Variants in PLSCR2 observed in about 807,000 individuals in gnomAD.
The protein encoded by PLSCR2 is phospholipid scramblase 2, also known as PL scramblase 2.
A neutral mutation model predicts 25.3 loss-of-function variants in PLSCR2; 18 were observed. The observed-to-expected ratio is 0.71, with a 90% CI of 0.49 to 1.06. The LOEUF (loss-of-function observed/expected upper bound fraction) is 1.06, where lower values mean the gene tolerates loss of function less well. PLSCR2 is among the 50% of genes least tolerant of loss of function. The pLI, the probability that PLSCR2 is intolerant of heterozygous loss-of-function variation, is 0.00. For missense variants in PLSCR2, 243 were observed against 269.5 expected (o/e 0.90, Z 0.69); for synonymous variants, 88 against 87.3 (o/e 1.01, Z -0.04).
chr3:146,470,876 C>T (rs371315850), intron 1 of PLSCR2, among the ~76,000 whole-genome samples: 2 of 152,176 alleles, frequency 1.3e-5, no homozygotes, highest in African/African-American at 2.4e-5. Flanking sequence ...GTTTTCTAAT[C>T]GGTAAAATGA....
chr3:146,433,108 G>C (rs1025921456), downstream of PLSCR2, among the ~76,000 whole-genome samples: 1 of 151,910 alleles, frequency 6.6e-6, no homozygotes, highest in African/African-American at 2.4e-5. Context: ...AATTTATTGT[G>C]TTAGCTATCT....
intron 2 of PLSCR2, among the ~76,000 whole-genome samples, chr3:146,411,944 G>A (rs1035197961): frequency 6.6e-6 from 1 of 151,976 alleles, no homozygotes; most frequent in Non-Finnish European, 1.5e-5. Context: ...TTGCCACAGT[G>A]TCTTATCAGT....
rs72986609 is a variant in PLSCR2, at chr3:146,421,353, A to G, written c.101-25432T>C. 6.9e-3 allele frequency among the ~76,000 whole-genome samples: 1,051 copies of G among 152,114 alleles called. 10 individuals carry two copies. The highest frequency in any genetic ancestry group is 0.024 in the African/African-American group (1,014 of 41,528). On this transcript the variant is annotated intron_variant and NMD_transcript_variant, in intron 2 of 3. Transcript: ENST00000463633. ...ACAAAAGAGAGCAGAATTTTATCTC[A>G]TATTAGATCAGCAGCAATGAAGCAT...
chr3:146,392,947 T>C (rs1347479905), intron 3 of PLSCR2, among the ~76,000 whole-genome samples: 2 of 151,436 alleles, frequency 1.3e-5, no homozygotes, highest in African/African-American at 4.8e-5. Context: ...TTTTGAGATG[T>C]AATATTTTAT....
chr3:146,437,083 A>C (rs1307924104), downstream of PLSCR2, among the ~76,000 whole-genome samples: 1 of 151,320 alleles, frequency 6.6e-6, no homozygotes, highest in African/African-American at 2.4e-5. Flanking sequence ...ACGTTTATTG[A>C]TTTGTGTTAT....
intron 2 of PLSCR2, among the ~76,000 whole-genome samples, chr3:146,408,600 T>C (rs1164530811): frequency 6.6e-6 from 1 of 152,118 alleles, no homozygotes; most frequent in Non-Finnish European, 1.5e-5. Context: ...AGCAAATCCT[T>C]CTAGTTTTTG....
intron 2 of PLSCR2, among the ~76,000 whole-genome samples, chr3:146,400,425 A>G (rs549658398): frequency 2.6e-5 from 4 of 151,478 alleles, no homozygotes; most frequent in Non-Finnish European, 4.4e-5. Flanking sequence ...TTTATTTGTA[A>G]TATAATATTT....
chr3:146,469,528 C>T, intron 1 of PLSCR2: 2 of 985,404 alleles, frequency 2.0e-6, no homozygotes, highest in Non-Finnish European at 2.4e-6. Context: ...CAGCCCTGAG[C>T]GAGCCGAGGT....
At chr3:146,416,125 T>A (rs2038999528) in intron 2 of PLSCR2, among the ~76,000 whole-genome samples, 1 of 151,958 alleles carries the variant, frequency 6.6e-6, no homozygotes, top group Admixed American at 6.6e-5. Flanking sequence ...TAATTTTTTG[T>A]ATTTTTAGTA....
exon 2 of PLSCR2, chr3:146,459,998 G>A (rs1233187731): frequency 1.9e-6 from 3 of 1,612,256 alleles, no homozygotes; most frequent in East Asian, 2.2e-5. Flanking sequence ...GACGTCCTGG[G>A]TAGAAGGCCT....
At chr3:146,480,883 C>T (rs1294374532) in intron 1 of PLSCR2, among the ~76,000 whole-genome samples, 1 of 152,096 alleles carries the variant, frequency 6.6e-6, no homozygotes, top group Non-Finnish European at 1.5e-5. Flanking sequence ...AGCTTATCCA[C>T]CATGATCAAG....
At chr3:146,487,618 T>A (rs1313811098) in intron 1 of PLSCR2, among the ~76,000 whole-genome samples, 1 of 152,066 alleles carries the variant, frequency 6.6e-6, no homozygotes, top group Non-Finnish European at 1.5e-5. Flanking sequence ...TAACAAGGGA[T>A]GTGAAGGACA....
At chr3:146,426,223 C>CTCCCTCCT (rs1273893041) in intron 2 of PLSCR2, among the ~76,000 whole-genome samples, 1 of 139,962 alleles carries the variant, frequency 7.1e-6, no homozygotes, top group African/African-American at 2.7e-5. Flanking sequence ...CCCTCCTTCC[C>CTCCCTCCT]TCCCTCCTTC....
At chr3:146,472,974 C>T (rs1156703809) in intron 1 of PLSCR2, among the ~76,000 whole-genome samples, 1 of 152,194 alleles carries the variant, frequency 6.6e-6, no homozygotes, top group Non-Finnish European at 1.5e-5. Flanking sequence ...TCTGGTTCTT[C>T]TTCCTCTCCT....
intron 2 of PLSCR2, among the ~76,000 whole-genome samples, chr3:146,414,551 C>T (rs576344597): frequency 2.0e-5 from 3 of 151,746 alleles, no homozygotes; most frequent in Admixed American, 1.3e-4. Context: ...CATAAATGCT[C>T]ATTTTAGTTT....
At chr3:146,492,725 C>T (rs1242922660) in intron 1 of PLSCR2, among the ~76,000 whole-genome samples, 2 of 151,772 alleles carry the variant, frequency 1.3e-5, no homozygotes, top group Admixed American at 6.6e-5. Context: ...GCTAACATCA[C>T]ACCTGGAGGA....
At chr3:146,420,515 T>C (rs1366569740) in intron 2 of PLSCR2, among the ~76,000 whole-genome samples, 2 of 152,062 alleles carry the variant, frequency 1.3e-5, no homozygotes, top group African/African-American at 4.8e-5. Context: ...TTAACACTTG[T>C]AACCAAGCAA....
chr3:146,449,840 T>C (rs11924998), intron 5 of PLSCR2, among the ~76,000 whole-genome samples: 12,175 of 152,120 alleles, frequency 0.08, 618 homozygotes, highest in African/African-American at 0.13. Flanking sequence ...CCACCCACTG[T>C]CAGTAGGAAA....
intron 1 of PLSCR2, among the ~76,000 whole-genome samples, chr3:146,477,366 G>C (rs1414148214): frequency 6.6e-6 from 1 of 152,210 alleles, no homozygotes; most frequent in Non-Finnish European, 1.5e-5. Flanking sequence ...CCTGGAAAAA[G>C]GGACACCGTG....
Sources: gnomAD v4.1 joint callset for allele counts (sites outside exome capture counted in the v4.1 genomes callset) on GRCh38, gnomAD v4.1.1 for gene constraint, MANE v1.5 for transcripts, NCBI Gene and HGNC (gene_info 2026-07-23, HGNC 2026-07-21) for gene names.